ARHGAP10: variants seen among roughly 807,000 people sequenced by gnomAD.
The protein encoded by ARHGAP10 is Rho GTPase activating protein 10.
ARHGAP10 carries 87 observed loss-of-function variants against 108.6 expected under a neutral mutation model. That is an observed-to-expected ratio of 0.80 (90% confidence interval 0.67 to 0.96). ARHGAP10 has a LOEUF of 0.96. ARHGAP10 is among the 40% of genes least tolerant of loss of function. ARHGAP10 has a pLI of 0.00. For missense variants in ARHGAP10, 939 were observed against 954.5 expected (o/e 0.98, Z 0.21); for synonymous variants, 347 against 341.1 (o/e 1.02, Z -0.19).
intron 3 of ARHGAP10, among the ~76,000 whole-genome samples, chr4:147,833,341 A>T (rs953679527): frequency 1.3e-5 from 2 of 152,070 alleles, no homozygotes; most frequent in African/African-American, 4.8e-5. Flanking sequence ...GTGGCAGTTT[A>T]CCCTGAACTT....
chr4:147,858,308 C>T (rs1183043726), intron 5 of ARHGAP10: 1 of 151,292 alleles, frequency 6.6e-6, no homozygotes, highest in Non-Finnish European at 1.5e-5. Context: ...TGCTGTTTGC[C>T]ATTGTTAGGA....
chr4:148,060,552 C>G (rs755552268), intron 20 of ARHGAP10, among the ~76,000 whole-genome samples: 25 of 152,192 alleles, frequency 1.6e-4, no homozygotes, highest in South Asian at 1.0e-3. Context: ...AGCTACTGTG[C>G]TGGTTCCCAA....
At chr4:147,858,240 A>C (rs921313949) in intron 5 of ARHGAP10, 2 of 152,158 alleles carry the variant, frequency 1.3e-5, no homozygotes, top group Non-Finnish European at 2.9e-5. Flanking sequence ...TCACTCACAC[A>C]CTTGGATGGA....
At chr4:147,838,275 A>G (rs567978615) in intron 3 of ARHGAP10, among the ~76,000 whole-genome samples, 16 of 152,252 alleles carry the variant, frequency 1.1e-4, no homozygotes, top group African/African-American at 3.6e-4. Context: ...AGCCAAAAGT[A>G]TATGTTAGCA....
At chr4:148,071,637 A>AG (rs1730185001) in intron 22 of ARHGAP10, among the ~76,000 whole-genome samples, 2 of 104,498 alleles carry the variant, frequency 1.9e-5, no homozygotes, top group South Asian at 7.2e-4. Flanking sequence ...AAACAAACAA[A>AG]CAAAAAAAAA....
intron 20 of ARHGAP10, among the ~76,000 whole-genome samples, chr4:148,048,669 C>G (rs996288268): frequency 6.6e-6 from 1 of 152,196 alleles, no homozygotes; most frequent in Non-Finnish European, 1.5e-5. Flanking sequence ...TTATGCCTTT[C>G]AGTAAGTGAA....
intron 18 of ARHGAP10, among the ~76,000 whole-genome samples, chr4:148,020,315 T>C (rs2149661577): frequency 6.6e-6 from 1 of 152,290 alleles, no homozygotes; most frequent in East Asian, 1.9e-4. Flanking sequence ...GCTTTTAAGT[T>C]CTGGGGCTAC....
intron 19 of ARHGAP10, among the ~76,000 whole-genome samples, chr4:148,034,897 A>G (rs1009852873): frequency 4.6e-5 from 7 of 152,210 alleles, no homozygotes; most frequent in Non-Finnish European, 7.4e-5. Flanking sequence ...CAAAAATTTT[A>G]GTCTTTAAAC....
chr4:147,976,838 C>T (rs1387992564), intron 18 of ARHGAP10, among the ~76,000 whole-genome samples: 1 of 152,112 alleles, frequency 6.6e-6, no homozygotes, highest in Admixed American at 6.5e-5. Context: ...CCAGTATAGA[C>T]AAAGCACTGG....
chr4:147,789,721 A>G (rs975082211), intron 1 of ARHGAP10, among the ~76,000 whole-genome samples: 3 of 152,238 alleles, frequency 2.0e-5, no homozygotes, highest in African/African-American at 4.8e-5. Context: ...CCCAGTGCAC[A>G]CAGCTAGGTG....
At chr4:148,003,165 G>T (rs1161062565) in intron 18 of ARHGAP10, among the ~76,000 whole-genome samples, 2 of 152,102 alleles carry the variant, frequency 1.3e-5, no homozygotes, top group Non-Finnish European at 2.9e-5. Flanking sequence ...CCTTCATTTC[G>T]TTATGTACCC....
chr4:147,811,842 A>C (rs1398747190), intron 1 of ARHGAP10, among the ~76,000 whole-genome samples: 1 of 152,226 alleles, frequency 6.6e-6, no homozygotes, highest in Non-Finnish European at 1.5e-5. Flanking sequence ...TTAGAGGAAG[A>C]AGCACAGGTG....
chr4:147,927,315 T>G (rs1277944459), intron 13 of ARHGAP10, among the ~76,000 whole-genome samples: 1 of 152,186 alleles, frequency 6.6e-6, no homozygotes, highest in Non-Finnish European at 1.5e-5. Flanking sequence ...CCTGCCTTTT[T>G]TCCATAACAA....
At chr4:147,820,246 G>T (rs184562026) in intron 1 of ARHGAP10, among the ~76,000 whole-genome samples, 38 of 152,240 alleles carry the variant, frequency 2.5e-4, no homozygotes, top group African/African-American at 9.1e-4. Context: ...GAGAACAATT[G>T]CATGTTTGCC....
chr4:148,071,365 C>T (rs868181776), intron 22 of ARHGAP10, among the ~76,000 whole-genome samples: 1 of 152,214 alleles, frequency 6.6e-6, no homozygotes, highest in Non-Finnish European at 1.5e-5. Context: ...CCTGTAATCC[C>T]AGCACTCTGG....
chr4:147,737,221 G>A (rs1728454507), intron 1 of ARHGAP10, among the ~76,000 whole-genome samples: 1 of 152,128 alleles, frequency 6.6e-6, no homozygotes, highest in Non-Finnish European at 1.5e-5. Context: ...TGCAATCTTG[G>A]CTCAGGGCAA....
At chr4:148,032,221 C>T (rs115620709) in intron 19 of ARHGAP10, among the ~76,000 whole-genome samples, 2,120 of 151,670 alleles carry the variant, frequency 0.014, 26 homozygotes, top group Middle Eastern at 0.045. Flanking sequence ...TGACTCAGTG[C>T]CTGCGTCTGC....
chr4:147,879,425 G>A, intron 9 of ARHGAP10, 87 bp downstream of exon 9: 1 of 1,140,284 alleles, frequency 8.8e-7, no homozygotes, highest in Non-Finnish European at 1.2e-6. Flanking sequence ...TATTTTAATG[G>A]TTTATATTCA....
At chr4:147,872,075 C>A (rs1734845011) in intron 7 of ARHGAP10, among the ~76,000 whole-genome samples, 1 of 144,898 alleles carries the variant, frequency 6.9e-6, no homozygotes, top group Admixed American at 6.9e-5. Flanking sequence ...TTACTCCAGC[C>A]TGACCAACAG....
Sources: allele counts gnomAD v4.1 joint callset (sites outside exome capture counted in the v4.1 genomes callset), GRCh38; gene constraint gnomAD v4.1.1; transcripts MANE v1.5; gene names NCBI Gene and HGNC (gene_info 2026-07-23, HGNC 2026-07-21).